Variants in C7 observed in about 807,000 individuals in gnomAD.
The protein encoded by C7 is complement component C7.
Under a neutral mutation model 104.8 loss-of-function variants are expected in C7, and 83 were observed. The ratio of observed to expected loss-of-function variants is 0.79; its 90% confidence interval spans 0.66 to 0.95. C7 has a LOEUF of 0.95. Ranked by LOEUF, C7 falls within the 40% of genes least tolerant of loss-of-function variation. The probability of loss-of-function intolerance (pLI) is 0.00; values close to 1 mark genes in which losing one functional copy is unlikely to be tolerated. For missense variants in C7, 1,070 were observed against 1,011.2 expected (o/e 1.06, Z -0.79); for synonymous variants, 415 against 360.6 (o/e 1.15, Z -1.71).
chr5:40,956,029 T>C (rs916730565), intron 10 of C7, among the ~76,000 whole-genome samples: 3 of 152,134 alleles, frequency 2.0e-5, no homozygotes, highest in African/African-American at 7.2e-5. Flanking sequence ...TCAATTCTTT[T>C]ATAATGCAAC....
At chr5:40,975,675 T>C (rs1402647999) in intron 15 of C7, among the ~76,000 whole-genome samples, 1 of 152,110 alleles carries the variant, frequency 6.6e-6, no homozygotes, top group African/African-American at 2.4e-5. Context: ...AGAGAAGTGT[T>C]TTAATAATGA....
chr5:40,959,743 G>T, intron 12 of C7, 123 bp downstream of exon 12: 1 of 733,178 alleles, frequency 1.4e-6, no homozygotes, highest in South Asian at 2.8e-5. Context: ...ACCAGGGACT[G>T]CTTTGTCCCT....
chr5:40,935,508 T>C (rs1473700521), intron 4 of C7, among the ~76,000 whole-genome samples: 1 of 152,060 alleles, frequency 6.6e-6, no homozygotes, highest in Non-Finnish European at 1.5e-5. Flanking sequence ...GCAGCGATGG[T>C]TTTCAAGAGG....
chr5:40,970,939 T>A (rs1044533322), intron 14 of C7, among the ~76,000 whole-genome samples: 2 of 152,208 alleles, frequency 1.3e-5, no homozygotes, highest in African/African-American at 2.4e-5. Flanking sequence ...CCCGTTATAG[T>A]ATTCCATGGT....
rs374673712 is a variant in C7 at position 40,959,497 on chromosome 5, T to G, written c.1538T>G (p.Val513Gly). 8.1e-6 allele frequency: 13 copies of G among 1,611,352 alleles called. No homozygotes were observed. The highest frequency in any genetic ancestry group is 2.0e-4 in the Middle Eastern group (1 of 5,074). The change falls in exon 12 of 18, where the codon GTC (valine) becomes GGC (glycine). Residue 513 changes from valine (V) to glycine (G), a missense_variant. Physicochemically the swap from Val to Gly is moderately radical, Grantham distance 109 (BLOSUM62 -3). Transcript: ENST00000313164. ...WSCWSSWSPC[V>G]QGKKTRSREC... ...TGCTGGTCCTCTTGGAGCCCCTGTGTCCAAGGGAAGAAAACAAGAAGCCGT... is the reference window on the plus strand; with the variant it reads ...TGCTGGTCCTCTTGGAGCCCCTGTGGCCAAGGGAAGAAAACAAGAAGCCGT...
chr5:40,955,080 A>T (rs1740259424), intron 9 of C7, among the ~76,000 whole-genome samples: 1 of 152,120 alleles, frequency 6.6e-6, no homozygotes, highest in South Asian at 2.1e-4. Context: ...ACAATGGATG[A>T]ACCTACATTG....
intron 16 of C7, 127 bp downstream of exon 16, chr5:40,976,967 C>G: frequency 1.5e-6 from 1 of 677,786 alleles, no homozygotes; most frequent in Non-Finnish European, 2.4e-6. Flanking sequence ...GTTTGCATTT[C>G]GATGTAGTCC....
In C7 at chr5:40,929,662, C is replaced by G. The variant is rs551618910; in HGVS notation, c.62+1027C>G. ...TTCGTAGAGCATCATTTTAGGCAAG[C>G]CTTCCTTAGTCTCTTAAAGCTGACT... On this transcript the variant is annotated intron_variant, in intron 2 of 17. Coordinates refer to ENST00000313164, the MANE Select transcript of C7 (RefSeq NM_000587.4). Among the ~76,000 whole-genome samples, 10 of 152,294 alleles carry G rather than the reference C, an allele frequency of 6.6e-5. No homozygotes were observed. In the South Asian group the frequency reaches 2.1e-3, roughly 32 times the overall value.
At chr5:40,978,140 G>GAAAAAAAAAAAAAAAAAAAAAAAAAAAAA (rs869311131) in intron 16 of C7, among the ~76,000 whole-genome samples, 1 of 107,634 alleles carries the variant, frequency 9.3e-6, no homozygotes, top group African/African-American at 3.7e-5. Flanking sequence ...ATCTCAAAAA[G>GAAAAAAAAAAAAAAAAAAAAAAAAAAAAA]AAAAAAAAAA....
chr5:40,946,317 AT>A (rs1459098772), intron 7 of C7, among the ~76,000 whole-genome samples: 2 of 152,144 alleles, frequency 1.3e-5, no homozygotes, highest in East Asian at 1.9e-4. Flanking sequence ...TGGCTGAATA[AT>A]TTTTTTAGGC....
chr5:40,913,052 T>C lies in C7; in HGVS notation c.6+3436T>C, dbSNP rs115463613. On this transcript the variant is annotated intron_variant, in intron 1 of 17. Coordinates refer to ENST00000313164, the MANE Select transcript of C7 (RefSeq NM_000587.4). ...CCTACTTGTAAGTGAGAATATGAGGTACTTGATTTTATGTTTCTAAGTTGT... is the reference window on the plus strand; with the variant it reads ...CCTACTTGTAAGTGAGAATATGAGGCACTTGATTTTATGTTTCTAAGTTGT... Among the ~76,000 whole-genome samples the C allele has an allele frequency of 1.8e-4, 28 of 152,306 alleles. 1 individual carries two copies. Among genetic ancestry groups the C allele is most frequent in the African/African-American group, 6.5e-4 (27 of 41,570 alleles).
Position 40,976,857 on chromosome 5 carries a change from C to T in C7, c.2165+17C>T, listed in dbSNP as rs1450382966. The stretch of plus-strand genomic sequence containing the variant: ...CGAATGTGGGTAAGTGCCGCCTTTG[C>T]TCATTTCTCTGTTTTATTTTATTAA... On this transcript the variant is annotated intron_variant, in intron 16 of 17. Coordinates refer to ENST00000313164, the MANE Select transcript of C7 (RefSeq NM_000587.4). 2 of 1,549,136 alleles carry T rather than the reference C, an allele frequency of 1.3e-6. No homozygotes were observed. The highest frequency in any genetic ancestry group is 1.4e-5 in the African/African-American group (1 of 73,190).
intron 14 of C7, among the ~76,000 whole-genome samples, chr5:40,966,055 A>G (rs980002541): frequency 6.6e-6 from 1 of 152,100 alleles, no homozygotes; most frequent in Non-Finnish European, 1.5e-5. Flanking sequence ...GTCCATTAAA[A>G]ATAATCGGTT....
intron 7 of C7, among the ~76,000 whole-genome samples, chr5:40,947,009 A>G (rs988964808): frequency 6.6e-6 from 1 of 151,810 alleles, no homozygotes; most frequent in African/African-American, 2.4e-5. Context: ...CCCTGAATTA[A>G]TGCTTTGTTG....
At chr5:40,931,280 A>G in intron 3 of C7, 141 bp downstream of exon 3, 1 of 647,346 alleles carries the variant, frequency 1.5e-6, no homozygotes, top group South Asian at 1.8e-5. Flanking sequence ...AGGGGAGAAA[A>G]GTATGACTTG....
At chr5:40,918,436 G>A (rs539199041) in intron 1 of C7, among the ~76,000 whole-genome samples, 180 of 152,150 alleles carry the variant, frequency 1.2e-3, no homozygotes, top group African/African-American at 4.1e-3. Context: ...GCAGTAGTAA[G>A]TCCTTATCTA....
At chr5:40,933,088 A>G (rs1389913650) in intron 3 of C7, among the ~76,000 whole-genome samples, 1 of 152,204 alleles carries the variant, frequency 6.6e-6, no homozygotes, top group African/African-American at 2.4e-5. Flanking sequence ...TAAAAATGGT[A>G]TCAAGAAACC....
In C7 at chr5:40,978,873, A is replaced by ATTTTTTTTTTTTTTTTTTTTTTTT. The variant is rs372551834; in HGVS notation, c.2166-851_2166-828dup. Among the ~76,000 whole-genome samples the ATTTTTTTTTTTTTTTTTTTTTTTT allele has an allele frequency of 3.6e-4, 29 of 80,080 alleles. 1 individual carries two copies. The highest frequency in any genetic ancestry group is 1.4e-3 in the East Asian group (4 of 2,800). The allele number at this position is 80,080 out of a possible 152,430, so 52.5% of individuals were successfully genotyped here. A position where few individuals can be genotyped will look rare whatever the true frequency, so the allele number is the denominator to read the frequency against. On this transcript the variant is annotated intron_variant, in intron 16 of 17. Transcript: ENST00000313164. ...GAGGAAGGTAACACATTTTATGGAA[A>ATTTTTTTTTTTTTTTTTTTTTTTT]TTTTTTTTTTTTTTTTTTTTTTTTG...
chr5:40,930,338 C>T (rs112119290), intron 2 of C7, among the ~76,000 whole-genome samples: 26,472 of 149,968 alleles, frequency 0.18, 2,591 homozygotes, highest in East Asian at 0.32. Flanking sequence ...CCCAAGTAGC[C>T]GGGATTATAG....
Sources: allele counts gnomAD v4.1 joint callset (sites outside exome capture counted in the v4.1 genomes callset), GRCh38; gene constraint gnomAD v4.1.1; transcripts MANE v1.5; gene names NCBI Gene and HGNC (gene_info 2026-07-23, HGNC 2026-07-21).